EIF2B1: variants seen among roughly 807,000 people sequenced by gnomAD.
EIF2B1 encodes eukaryotic translation initiation factor 2B subunit alpha.
In EIF2B1, 30 loss-of-function variants were observed where a neutral mutation model predicts 36.8. The ratio of observed to expected loss-of-function variants is 0.81; its 90% CI spans 0.61 to 1.10. EIF2B1 has a LOEUF of 1.10. EIF2B1 is among the 50% of genes least tolerant of loss of function. EIF2B1 has a pLI of 0.00. For missense variants in EIF2B1, 271 were observed against 374.8 expected (o/e 0.72, Z 2.29); for synonymous variants, 139 against 142.2 (o/e 0.98, Z 0.16).
chr12:123,626,860 T>C (rs1223483782), intron 5 of EIF2B1, 184 bp downstream of exon 5: 2 of 714,060 alleles, frequency 2.8e-6, no homozygotes, highest in African/African-American at 1.7e-5. Flanking sequence ...CCCTAGATCA[T>C]ATACTGCGGC....
At chr12:123,627,482 G>A (rs1308263323) in intron 4 of EIF2B1, among the ~76,000 whole-genome samples, 2 of 152,186 alleles carry the variant, frequency 1.3e-5, no homozygotes, top group African/African-American at 2.4e-5. Flanking sequence ...GTTTGCACAC[G>A]CAGGCCTACA....
intron 1 of EIF2B1, among the ~76,000 whole-genome samples, 169 bp downstream of exon 1, chr12:123,633,376 A>C (rs1419364752): frequency 1.3e-5 from 2 of 151,906 alleles, no homozygotes; most frequent in Non-Finnish European, 2.9e-5. Flanking sequence ...CGCATCCCTG[A>C]AAACAAGAGC....
chr12:123,632,818 C>A (rs371486251), intron 1 of EIF2B1, among the ~76,000 whole-genome samples: 1 of 150,842 alleles, frequency 6.6e-6, no homozygotes, highest in East Asian at 1.9e-4. Flanking sequence ...TAGTGGCGGG[C>A]GCCTGTAGTC....
chr12:123,627,029 C>T lies in EIF2B1; in HGVS notation c.482+15G>A, dbSNP rs1022900838. 2.5e-6 allele frequency: 4 copies of T among 1,610,624 alleles called. No homozygotes were observed. The African/African-American group carries it at 5.3e-5, about 22-fold the overall frequency. ...AATTATGGCTGGGCACATAACTGAA[C>T]AGAAAGGTACTTGCCCTGACAAATC... On this transcript the variant is annotated intron_variant, in intron 5 of 8. Transcript: ENST00000424014.
intron 5 of EIF2B1, 159 bp downstream of exon 5, chr12:123,626,885 G>A (rs1377520769): frequency 1.1e-5 from 8 of 744,666 alleles, no homozygotes; most frequent in Non-Finnish European, 1.9e-5. Context: ...TGCAAATTCA[G>A]TGATTTTTCT....
intron 7 of EIF2B1, among the ~76,000 whole-genome samples, chr12:123,624,099 G>A (rs1566214617): frequency 6.7e-6 from 1 of 148,200 alleles, no homozygotes; most frequent in Admixed American, 6.8e-5. Flanking sequence ...TACTTTATAT[G>A]TAAATATATA....
At chr12:123,631,445 G>C (rs1045386990) in intron 2 of EIF2B1, among the ~76,000 whole-genome samples, 1 of 152,160 alleles carries the variant, frequency 6.6e-6, no homozygotes, top group African/African-American at 2.4e-5. Flanking sequence ...GGGCGAGGCG[G>C]ACGGATCACC....
intron 1 of EIF2B1, 74 bp downstream of exon 1, chr12:123,633,471 C>T: frequency 6.2e-7 from 1 of 1,603,784 alleles, no homozygotes; most frequent in South Asian, 1.1e-5. Flanking sequence ...GGAGCTCAGC[C>T]TGGATGTGAG....
In EIF2B1 at chr12:123,623,113, G is replaced by A. The variant is rs112027841; in HGVS notation, c.628-352C>T. 3.9e-3 allele frequency among the ~76,000 whole-genome samples: 586 copies of A among 152,136 alleles called. 8 individuals are homozygous for A. The highest frequency in any genetic ancestry group is 0.013 in the African/African-American group (554 of 41,516). ...CAGCCACTAGAGGCTGGATGTGGTG[G>A]CTCACGCCTGTAATCCCAGCACTTT... is the stretch of plus-strand genomic sequence containing the variant. On this transcript the variant is annotated intron_variant, in intron 7 of 8. Transcript: ENST00000424014.
chr12:123,630,523 G>C lies in EIF2B1; in HGVS notation c.126C>G (p.Ile42Met). The change falls in exon 3 of 9, where the codon ATC (isoleucine) becomes ATG (methionine). Residue 42 changes from isoleucine (I) to methionine (M), a missense_variant. By Grantham distance (10) the Ile-to-Met change is conservative. Coordinates refer to ENST00000424014, the MANE Select transcript of EIF2B1 (RefSeq NM_001414.4). This position sits in a 1 kb window ranked among gnomAD's most constrained non-coding sequence, Gnocchi z 4.6. ...EFLKRDKGET[I>M]QGLRANLTSA... ...TGGTGAGATTCGCCCTCAGACCCTG[G>C]ATTGTCTCCCCTGGAATGATCCAAC... 1 of 1,612,708 alleles carries C rather than the reference G, an allele frequency of 6.2e-7. No individual in the cohort carries two copies. The highest frequency in any genetic ancestry group is 8.5e-7 in the Non-Finnish European group (1 of 1,179,898).
At chr12:123,632,261 C>G (rs7301031) in intron 2 of EIF2B1, 84 bp downstream of exon 2, 26,681 of 956,526 alleles carry the variant, frequency 0.028, 1,648 homozygotes, top group African/African-American at 0.22. Flanking sequence ...GAGTGAGGCT[C>G]CGTCTCTTTA....
rs376839100 is a variant in EIF2B1, at chr12:123,630,583, C to T, written c.116-50G>A. 5.0e-6 allele frequency: 8 copies of T among 1,604,842 alleles called. No individual in the cohort carries two copies. The highest frequency in any genetic ancestry group is 5.1e-6 in the Non-Finnish European group (6 of 1,178,872). On this transcript the variant is annotated intron_variant, in intron 2 of 8. Coordinates refer to ENST00000424014, the MANE Select transcript of EIF2B1 (RefSeq NM_001414.4). This position sits in a 1 kb window ranked among gnomAD's most constrained non-coding sequence, Gnocchi z 4.6. ...GATGTTCACATTAGGGCCACAGCCC[C>T]GACCTGTATCTTCAATTCATTCATT...
In EIF2B1 at chr12:123,630,444, C is replaced by T. The variant is rs1955179395; in HGVS notation, c.205G>A (p.Gly69Arg). The stretch of plus-strand genomic sequence containing the variant: ...CTGATGAAGCGGAGGAAGAGCTCCC[C>T]GCCAGAGGACACTGCCACAGAGGAG... ...VDSSVAVSSGGELFLRFISLA... is the reference protein window; with the variant it reads ...VDSSVAVSSGRELFLRFISLA... Residue 69 changes from glycine to arginine, a missense_variant, in exon 3 of 9, where the codon GGG becomes AGG. By Grantham distance (125) the Gly-to-Arg change is moderately radical (BLOSUM62 -2). Coordinates refer to ENST00000424014, the MANE Select transcript of EIF2B1 (RefSeq NM_001414.4). The surrounding 1 kb of genome is among the most constrained non-coding windows in gnomAD (Gnocchi z 4.6). 3.7e-6 allele frequency: 6 copies of T among 1,614,092 alleles called. No individual in the cohort carries two copies. Among genetic ancestry groups the T allele is most frequent in the Non-Finnish European group, 4.2e-6 (5 of 1,180,006 alleles).
chr12:123,631,194 A>G (rs144292556), intron 2 of EIF2B1, among the ~76,000 whole-genome samples: 2 of 152,348 alleles, frequency 1.3e-5, no homozygotes, highest in African/African-American at 2.4e-5. Context: ...TTAACACAAT[A>G]TAACATAGTC....
rs563789582 is a variant in EIF2B1 at position 123,626,562 on chromosome 12, T to C, written c.483-69A>G. On this transcript the variant is annotated intron_variant, in intron 5 of 8. Coordinates refer to ENST00000424014, the MANE Select transcript of EIF2B1 (RefSeq NM_001414.4). ...TACCACAGTGATGTATGTCACCTAA[T>C]GTGGACAGTGGATGTTTGCTTGAAA... The C allele has an allele frequency of 1.1e-3, 1,703 of 1,554,932 alleles. 7 individuals are homozygous for C. Among genetic ancestry groups the C allele is most frequent in the South Asian group, 2.7e-3 (241 of 89,202 alleles).
At chr12:123,623,310 C>T (rs746153505) in intron 7 of EIF2B1, among the ~76,000 whole-genome samples, 3 of 151,942 alleles carry the variant, frequency 2.0e-5, no homozygotes, top group Non-Finnish European at 2.9e-5. Flanking sequence ...CGCTTGAACC[C>T]GGGCACTGGA....
chr12:123,632,124 C>T (rs550570949), intron 2 of EIF2B1, among the ~76,000 whole-genome samples: 6 of 151,490 alleles, frequency 4.0e-5, no homozygotes, highest in South Asian at 2.1e-4. Context: ...AAAAATTAGC[C>T]GGACAAGGTG....
In EIF2B1 at chr12:123,626,246, C is replaced by T. The variant is rs528258359; in HGVS notation, c.551+179G>A. 5.9e-6 allele frequency: 4 copies of T among 676,110 alleles called. No homozygotes were observed. In the African/African-American group the frequency reaches 7.2e-5, roughly 12 times the overall value. 41.9% of individuals were successfully genotyped at this position (676,110 alleles called of 1,614,324 possible). On this transcript the variant is annotated intron_variant, in intron 6 of 8. Transcript: ENST00000424014. ...CCCCAACATCCTACAGCTCTGTCTT[C>T]TTTGTATGCTATCACAACCTCATAA... is the stretch of plus-strand genomic sequence containing the variant.
chr12:123,632,112 A>AC (rs1955195051), intron 2 of EIF2B1, among the ~76,000 whole-genome samples: 1 of 151,570 alleles, frequency 6.6e-6, no homozygotes, highest in Non-Finnish European at 1.5e-5. Context: ...TCTAAAATAC[A>AC]AAAAAATTAG....
Sources: allele counts gnomAD v4.1 joint callset (sites outside exome capture counted in the v4.1 genomes callset), GRCh38; gene constraint gnomAD v4.1.1; non-coding constraint Gnocchi (gnomAD v3.1); transcripts MANE v1.5; gene names NCBI Gene and HGNC (gene_info 2026-07-23, HGNC 2026-07-21).